FBN2: variants seen among roughly 807,000 people sequenced by gnomAD.
FBN2 encodes the protein fibrillin 2, also known as fibrillin-2.
Under a neutral mutation model 355.6 loss-of-function variants are expected in FBN2, and 105 were observed. That is an observed-to-expected ratio of 0.30 (90% CI 0.25 to 0.35). The LOEUF (loss-of-function observed/expected upper bound fraction) is 0.35, where lower values mean the gene tolerates loss of function less well. Among genes scored for constraint, FBN2 ranks in the 10% least tolerant of loss-of-function variants. The probability of loss-of-function intolerance (pLI) is 1.00; values close to 1 mark genes in which losing one functional copy is unlikely to be tolerated. For synonymous variants in FBN2, 1,350 were observed against 1,301.2 expected, an observed-to-expected ratio of 1.04 and a Z score of -0.81; for missense variants, 3,280 against 3,758.7, an observed-to-expected ratio of 0.87 and a Z score of 3.33.
At chr5:128,445,867 ACTG>A (rs1754052046) in intron 7 of FBN2, among the ~76,000 whole-genome samples, 2 of 152,162 alleles carry the variant, frequency 1.3e-5, no homozygotes, top group Admixed American at 6.5e-5. Context: ...TCTATTAAGA[ACTG>A]CTAATGGAAT....
At chr5:128,424,702 T>C (rs1051017451) in intron 7 of FBN2, among the ~76,000 whole-genome samples, 4 of 152,176 alleles carry the variant, frequency 2.6e-5, no homozygotes, top group African/African-American at 9.6e-5. Flanking sequence ...TAATTGCATT[T>C]TTGAAAGGCT....
At chr5:128,427,187 C>G (rs376902984) in intron 7 of FBN2, among the ~76,000 whole-genome samples, 1 of 152,100 alleles carries the variant, frequency 6.6e-6, no homozygotes, top group Non-Finnish European at 1.5e-5. Context: ...TGCCCACCCC[C>G]CTGCCACTGC....
chr5:128,290,592 G>T, intron 50 of FBN2, 140 bp downstream of exon 50: 1 of 862,824 alleles, frequency 1.2e-6, no homozygotes, highest in East Asian at 2.5e-5. Context: ...AGGCTAGGTT[G>T]TTCAATGAAC....
At chr5:128,425,436 A>G (rs951732127) in intron 7 of FBN2, among the ~76,000 whole-genome samples, 17 of 152,202 alleles carry the variant, frequency 1.1e-4, no homozygotes, top group African/African-American at 3.9e-4. Context: ...TACTATACTT[A>G]TTTGAACTTG....
chr5:128,394,681 G>T (rs2126980839), intron 9 of FBN2, among the ~76,000 whole-genome samples: 1 of 152,226 alleles, frequency 6.6e-6, no homozygotes, highest in Non-Finnish European at 1.5e-5. Flanking sequence ...TATCAAAACT[G>T]ATCCTAAATA....
intron 6 of FBN2, among the ~76,000 whole-genome samples, chr5:128,455,997 A>AAAAAAAAAAAG (rs1754378717): frequency 7.5e-6 from 1 of 133,412 alleles, no homozygotes; most frequent in Non-Finnish European, 1.6e-5. Context: ...CAACAAAAAA[A>AAAAAAAAAAAG]AAAAAAAAAA....
At chr5:128,413,233 A>G (rs1483773584) in intron 7 of FBN2, among the ~76,000 whole-genome samples, 1 of 152,240 alleles carries the variant, frequency 6.6e-6, no homozygotes, top group Non-Finnish European at 1.5e-5. Context: ...TTATGGCAAC[A>G]TATGAGATTT....
intron 4 of FBN2, among the ~76,000 whole-genome samples, chr5:128,521,164 C>T (rs1196669349): frequency 1.3e-5 from 2 of 152,164 alleles, no homozygotes; most frequent in South Asian, 2.1e-4. Context: ...GGCACATACA[C>T]ACCATGGAAT....
In FBN2 at chr5:128,296,519, G is replaced by C. The variant is rs1477256365; in HGVS notation, c.6166+4298C>G. On this transcript the variant is annotated intron_variant, in intron 48 of 64. Transcript: ENST00000262464. ...GATTATTGCCACAATTTCAGAACCT[G>C]TTATTGGTCTATTCAGAGATTCAAC... Among the ~76,000 whole-genome samples the C allele has an allele frequency of 2.9e-3, 437 of 151,934 alleles. 2 individuals carry two copies. The highest frequency in any genetic ancestry group is 0.014 in the Middle Eastern group (4 of 294).
chr5:128,313,548 C>T (rs1750116508), intron 36 of FBN2, among the ~76,000 whole-genome samples: 1 of 151,804 alleles, frequency 6.6e-6, no homozygotes, highest in Non-Finnish European at 1.5e-5. Context: ...TTTTCAGTTG[C>T]ACAGGCCCTA....
intron 25 of FBN2, among the ~76,000 whole-genome samples, chr5:128,339,489 T>A (rs1288105365): frequency 6.6e-6 from 1 of 151,930 alleles, no homozygotes; most frequent in Non-Finnish European, 1.5e-5. Flanking sequence ...GTGGGAGGAT[T>A]GCTTGAGCCC....
At chr5:128,361,357 C>G (rs537332560) in intron 19 of FBN2, among the ~76,000 whole-genome samples, 10 of 152,262 alleles carry the variant, frequency 6.6e-5, no homozygotes, top group African/African-American at 2.4e-4. Context: ...CATTACGATT[C>G]AGGTTCCTAC....
rs765867245 is a variant in FBN2 at position 128,263,632 on chromosome 5, T to C, written c.7985A>G (p.Asn2662Ser). ...CVDENECSNP[N>S]ACGSASCYNT... is the part of the protein sequence containing the mutation. ...GTAGCAGGAAGCAGAGCCACAGGCA[T>C]TGGGATTGGAGCATTCATTCTCATC... The change falls in exon 63 of 65, where the codon AAT (asparagine) becomes AGT (serine). Residue 2662 changes from asparagine to serine, a missense_variant. Around this residue, in one of 6 missense-constraint regions of FBN2, gnomAD observed 311 missense variants for 319.1 expected, o/e 0.97. Transcript: ENST00000262464. 16 of 1,613,940 alleles carry C rather than the reference T, an allele frequency of 9.9e-6. No individual in the cohort carries two copies. The Admixed American group carries it at 2.2e-4, about 22-fold the overall frequency.
chr5:128,271,694 G>A lies in FBN2; in HGVS notation c.7960+305C>T, dbSNP rs570218699. 5.3e-5 allele frequency among the ~76,000 whole-genome samples: 8 copies of A among 152,148 alleles called. No homozygotes were observed. In the South Asian group the frequency reaches 1.2e-3, roughly 24 times the overall value. ...ACAGACAAAAAAGTGGCTGACCTTC[G>A]CAAACAAAGATGATGATTCTTGACA... On this transcript the variant is annotated intron_variant, in intron 62 of 64. Coordinates refer to ENST00000262464, the MANE Select transcript of FBN2 (RefSeq NM_001999.4).
chr5:128,495,216 T>C (rs112649456), intron 5 of FBN2, among the ~76,000 whole-genome samples: 3 of 44,996 alleles, frequency 6.7e-5, no homozygotes, highest in Admixed American at 3.0e-4. Flanking sequence ...GATCAGTGAA[T>C]TTCTGGTGAT....
intron 25 of FBN2, 112 bp from the exon 26 acceptor site, chr5:128,339,173 AG>A: frequency 9.0e-7 from 1 of 1,106,238 alleles, no homozygotes; most frequent in South Asian, 1.3e-5. Context: ...TAACAGTACA[AG>A]GGTATGTTTT....
intron 5 of FBN2, among the ~76,000 whole-genome samples, chr5:128,484,839 C>G (rs1000193681): frequency 6.6e-6 from 1 of 152,122 alleles, no homozygotes; most frequent in Non-Finnish European, 1.5e-5. Flanking sequence ...GGCTCTTGTG[C>G]ACTCCGTAGC....
intron 15 of FBN2, 85 bp from the exon 16 acceptor site, chr5:128,369,419 G>T: frequency 7.3e-7 from 1 of 1,374,376 alleles, no homozygotes; most frequent in Non-Finnish European, 1.0e-6. Context: ...AACCTAAGTG[G>T]CCACTAGACT....
intron 5 of FBN2, among the ~76,000 whole-genome samples, chr5:128,499,620 T>C (rs1255812201): frequency 6.6e-6 from 1 of 152,168 alleles, no homozygotes; most frequent in Non-Finnish European, 1.5e-5. Flanking sequence ...GAATCAATAC[T>C]GTTGACAAAA....
Sources: gnomAD v4.1 joint callset for allele counts (sites outside exome capture counted in the v4.1 genomes callset) on GRCh38, gnomAD v4.1.1 for gene constraint, gnomAD v4.1.1 regional missense constraint, MANE v1.5 for transcripts, NCBI Gene and HGNC (gene_info 2026-07-23, HGNC 2026-07-21) for gene names.